SRD5A2: variants seen among roughly 807,000 people sequenced by gnomAD.
SRD5A2 encodes 3-oxo-5-alpha-steroid 4-dehydrogenase 2.
Under a neutral mutation model 27.4 loss-of-function variants are expected in SRD5A2, and 30 were observed. The ratio of observed to expected loss-of-function variants is 1.10; its 90% CI spans 0.82 to 1.49. The LOEUF (loss-of-function observed/expected upper bound fraction) is 1.49. Among genes scored for constraint, SRD5A2 ranks in the 40% most tolerant of loss-of-function variants. SRD5A2 has a pLI of 0.00. For synonymous variants in SRD5A2, 141 were observed against 133.6 expected, an observed-to-expected ratio of 1.06 and a Z score of -0.38; for missense variants, 348 against 323.4, an observed-to-expected ratio of 1.08 and a Z score of -0.58.
At chr2:31,598,593 T>C in the SRD5A2 span, among the ~76,000 whole-genome samples, 1 of 151,998 alleles carries the variant, frequency 6.6e-6, no homozygotes, top group Non-Finnish European at 1.5e-5. Flanking sequence ...ATAATGTTGT[T>C]ATCCGCTTAA....
intron 1 of SRD5A2, among the ~76,000 whole-genome samples, chr2:31,555,368 C>T (rs1188902154): frequency 3.3e-5 from 5 of 152,132 alleles, no homozygotes; most frequent in Admixed American, 3.3e-4. Flanking sequence ...GTCATCCTTT[C>T]CAAGGTCCTC....
At chr2:31,624,857 T>C in the SRD5A2 span, among the ~76,000 whole-genome samples, 2 of 152,202 alleles carry the variant, frequency 1.3e-5, no homozygotes, top group African/African-American at 2.4e-5. Flanking sequence ...TGATTTATAA[T>C]TCTTTGGGTA....
the SRD5A2 span, among the ~76,000 whole-genome samples, chr2:31,645,922 A>G: frequency 2.0e-5 from 3 of 152,008 alleles, no homozygotes; most frequent in Non-Finnish European, 4.4e-5. Flanking sequence ...CTTCTTTACC[A>G]TGGGGTACCT....
intron 1 of SRD5A2, among the ~76,000 whole-genome samples, chr2:31,573,625 T>C (rs551068159): frequency 1.3e-5 from 2 of 152,274 alleles, no homozygotes; most frequent in South Asian, 2.1e-4. Flanking sequence ...GGCCCTTCAT[T>C]AGAGCATCAC....
chr2:31,599,114 T>C, the SRD5A2 span, among the ~76,000 whole-genome samples: 2 of 152,002 alleles, frequency 1.3e-5, no homozygotes, highest in Admixed American at 6.6e-5. Context: ...CAAGAGGATG[T>C]AACAATTGTA....
intron 1 of SRD5A2, among the ~76,000 whole-genome samples, chr2:31,548,940 T>G (rs1190758397): frequency 1.3e-5 from 2 of 151,896 alleles, no homozygotes; most frequent in Non-Finnish European, 2.9e-5. Flanking sequence ...GGATGAACCC[T>G]GAGAGCAATG....
chr2:31,596,426 G>A, the SRD5A2 span, among the ~76,000 whole-genome samples: 1 of 149,942 alleles, frequency 6.7e-6, no homozygotes, highest in African/African-American at 2.5e-5. Flanking sequence ...CCTGCAGACT[G>A]GAACAGGACA....
At chr2:31,578,248 T>G (rs1031974506) in intron 1 of SRD5A2, among the ~76,000 whole-genome samples, 1 of 152,052 alleles carries the variant, frequency 6.6e-6, no homozygotes, top group Non-Finnish European at 1.5e-5. Context: ...TTTAAAAAAT[T>G]TTTACATAAT....
chr2:31,570,873 G>C (rs750147991), intron 1 of SRD5A2, among the ~76,000 whole-genome samples: 49 of 152,032 alleles, frequency 3.2e-4, no homozygotes, highest in Non-Finnish European at 6.2e-4. Flanking sequence ...AAAGAAATCA[G>C]AGATGACACA....
the SRD5A2 span, among the ~76,000 whole-genome samples, chr2:31,619,879 T>C: frequency 6.6e-6 from 1 of 152,160 alleles, no homozygotes; most frequent in Non-Finnish European, 1.5e-5. Flanking sequence ...ATTTCTCCCA[T>C]TCTTCAGGTT....
chr2:31,525,644 TCTAC>T lies in SRD5A2; in HGVS notation c.*548_*551del, dbSNP rs1344732826. 1 of 227,958 alleles carries T rather than the reference TCTAC, an allele frequency of 4.4e-6. No individual in the cohort carries two copies. The highest frequency in any genetic ancestry group is 8.7e-6 in the Non-Finnish European group (1 of 114,944). 14.1% of individuals were successfully genotyped at this position (227,958 alleles called of 1,614,324 possible). A position where few individuals can be genotyped will look rare whatever the true frequency, so the allele number is the denominator to read the frequency against. On this transcript the variant is annotated 3_prime_UTR_variant, in exon 5 of 5. Coordinates refer to ENST00000622030, the MANE Select transcript of SRD5A2 (RefSeq NM_000348.4). ...GAGGAGAGGGCTCCTGTATTCAAGG[TCTAC>T]CTAATAATTTCTCATCTTTCCTAAT... is the stretch of plus-strand genomic sequence containing the variant.
the SRD5A2 span, among the ~76,000 whole-genome samples, chr2:31,597,654 C>A: frequency 6.6e-6 from 1 of 151,980 alleles, no homozygotes; most frequent in African/African-American, 2.4e-5. Flanking sequence ...CATGATTAGA[C>A]AATTTTCAAA....
upstream of SRD5A2, among the ~76,000 whole-genome samples, chr2:31,585,103 C>G (rs1667153050): frequency 6.6e-6 from 1 of 152,204 alleles, no homozygotes; most frequent in South Asian, 2.1e-4. Context: ...AGGGAGCATT[C>G]AAACCAGTCC....
At chr2:31,589,511 C>T in the SRD5A2 span, among the ~76,000 whole-genome samples, 2 of 152,180 alleles carry the variant, frequency 1.3e-5, no homozygotes, top group Non-Finnish European at 2.9e-5. Flanking sequence ...CTGGTCTCAG[C>T]GAGAGAACAC....
At chr2:31,647,208 G>T in the SRD5A2 span, among the ~76,000 whole-genome samples, 1 of 152,178 alleles carries the variant, frequency 6.6e-6, no homozygotes, top group South Asian at 2.1e-4. Context: ...AGTGGAAGAG[G>T]AATATAGAAC....
the SRD5A2 span, among the ~76,000 whole-genome samples, chr2:31,637,103 G>A: frequency 6.6e-6 from 1 of 151,802 alleles, no homozygotes; most frequent in African/African-American, 2.4e-5. Context: ...TCTGGTCCTG[G>A]GCTTTTCTTT....
At chr2:31,548,045 C>T (rs1572640467) in intron 1 of SRD5A2, among the ~76,000 whole-genome samples, 1 of 151,982 alleles carries the variant, frequency 6.6e-6, no homozygotes, top group East Asian at 1.9e-4. Context: ...TATCCATATG[C>T]AAAATAAATA....
At chr2:31,627,503 T>C in the SRD5A2 span, among the ~76,000 whole-genome samples, 993 of 152,056 alleles carry the variant, frequency 6.5e-3, 15 homozygotes, top group African/African-American at 0.022. Flanking sequence ...TTTCTTGTCT[T>C]CTGCTAGCTT....
In SRD5A2 at chr2:31,537,975, G is replaced by A. The variant is rs112810521; in HGVS notation, c.282-4209C>T. Among the ~76,000 whole-genome samples the A allele has an allele frequency of 2.8e-4, 43 of 152,228 alleles. 1 individual carries two copies. Among genetic ancestry groups the A allele is most frequent in the Admixed American group, 3.9e-4 (6 of 15,290 alleles). On this transcript the variant is annotated intron_variant, in intron 1 of 4. Coordinates refer to ENST00000622030, the MANE Select transcript of SRD5A2 (RefSeq NM_000348.4). Reference sequence around the variant, plus strand: ...CTTGTACATCCCAGCCTCTAGAACCGTGTGAAATAGATTTCTGCTCTTTGT... The same window carrying A: ...CTTGTACATCCCAGCCTCTAGAACCATGTGAAATAGATTTCTGCTCTTTGT...
Sources: gnomAD v4.1 joint callset for allele counts (sites outside exome capture counted in the v4.1 genomes callset) on GRCh38, gnomAD v4.1.1 for gene constraint, MANE v1.5 for transcripts, NCBI Gene and HGNC (gene_info 2026-07-23, HGNC 2026-07-21) for gene names.